Variants in KCNIP1 observed in about 807,000 individuals in gnomAD.
KCNIP1 encodes the protein A-type potassium channel modulatory protein KCNIP1.
A neutral mutation model predicts 33.0 loss-of-function variants in KCNIP1; 18 were observed. The observed-to-expected ratio is 0.55, with a 90% CI of 0.38 to 0.81. The LOEUF (loss-of-function observed/expected upper bound fraction) is 0.81, where lower values mean the gene tolerates loss of function less well. Among genes scored for constraint, KCNIP1 ranks in the 30% least tolerant of loss-of-function variants. KCNIP1 has a pLI of 0.00. For synonymous variants in KCNIP1, 93 were observed against 98.3 expected, an observed-to-expected ratio of 0.95 and a Z score of 0.32; for missense variants, 238 against 271.6, an observed-to-expected ratio of 0.88 and a Z score of 0.87.
chr5:170,487,029 GCA>G (rs1423878010), intron 1 of KCNIP1, among the ~76,000 whole-genome samples: 2 of 152,130 alleles, frequency 1.3e-5, no homozygotes, highest in Non-Finnish European at 2.9e-5. Context: ...TTACACACAT[GCA>G]CACACACAGA....
Position 170,709,694 on chromosome 5 carries a change from CTG to C in KCNIP1, c.62-9061_62-9060del, listed in dbSNP as rs1763379466. The stretch of plus-strand genomic sequence containing the variant: ...TTGGGGTTTGTAGTGCTCCTTCACT[CTG>C]TGACTTGATATATTTCACTCATTTT... On this transcript the variant is annotated intron_variant, in intron 1 of 7. Coordinates refer to ENST00000328939, the MANE Select transcript of KCNIP1 (RefSeq NM_014592.4). 1.3e-5 allele frequency among the ~76,000 whole-genome samples: 2 copies of C among 152,168 alleles called. 1 individual carries two copies. Among genetic ancestry groups the C allele is most frequent in the South Asian group, 4.1e-4 (2 of 4,828 alleles).
intron 1 of KCNIP1, among the ~76,000 whole-genome samples, chr5:170,682,242 G>T (rs1464686600): frequency 1.3e-5 from 2 of 152,222 alleles, no homozygotes; most frequent in Non-Finnish European, 1.5e-5. Context: ...TGTTGGTCAA[G>T]TCATTTTTTA....
intron 1 of KCNIP1, among the ~76,000 whole-genome samples, chr5:170,608,073 G>T (rs758166144): frequency 6.6e-6 from 1 of 152,154 alleles, no homozygotes; most frequent in Non-Finnish European, 1.5e-5. Flanking sequence ...ACAGAAGAAG[G>T]TAGGCACTAG....
At chr5:170,641,177 T>A (rs1255601111) in intron 1 of KCNIP1, among the ~76,000 whole-genome samples, 1 of 152,200 alleles carries the variant, frequency 6.6e-6, no homozygotes, top group Admixed American at 6.5e-5. Flanking sequence ...CTCTGCCCGC[T>A]GGCTTATGGG....
chr5:170,430,984 G>A (rs1430943160), intron 1 of KCNIP1, among the ~76,000 whole-genome samples: 1 of 152,204 alleles, frequency 6.6e-6, no homozygotes, highest in East Asian at 1.9e-4. Flanking sequence ...ACTCGTAGGA[G>A]GGGAAGACAA....
chr5:170,362,153 T>G (rs1763530644), intron 1 of KCNIP1, among the ~76,000 whole-genome samples: 1 of 152,030 alleles, frequency 6.6e-6, no homozygotes, highest in Non-Finnish European at 1.5e-5. Flanking sequence ...GGAGGTGGAG[T>G]GCTCTAATTA....
intron 1 of KCNIP1, among the ~76,000 whole-genome samples, chr5:170,436,511 G>A (rs1755867113): frequency 6.6e-6 from 1 of 152,250 alleles, no homozygotes; most frequent in South Asian, 2.1e-4. Context: ...GGAATCCCCA[G>A]GAGGGAACAC....
chr5:170,601,110 C>A (rs1445698215), intron 1 of KCNIP1, among the ~76,000 whole-genome samples: 1 of 152,186 alleles, frequency 6.6e-6, no homozygotes, highest in Non-Finnish European at 1.5e-5. Flanking sequence ...AAACACAACA[C>A]CTGCGTCGCT....
Position 170,458,817 on chromosome 5 carries a change from C to T in KCNIP1, c.88+104853C>T, listed in dbSNP as rs77929816. Among the ~76,000 whole-genome samples, 1,480 of 152,134 alleles carry T rather than the reference C, an allele frequency of 9.7e-3. 26 individuals are homozygous for T. The highest frequency in any genetic ancestry group is 0.033 in the African/African-American group (1,377 of 41,530). Reference sequence around the variant, plus strand: ...AGACAACAACAAAAAACAAGGTATACGGACAACAAATAGCATGAAGAATGT... The same window carrying T: ...AGACAACAACAAAAAACAAGGTATATGGACAACAAATAGCATGAAGAATGT... On this transcript the variant is annotated intron_variant, in intron 1 of 7. Transcript: ENST00000377360.
chr5:170,374,858 T>G (rs918756887), intron 1 of KCNIP1: 2 of 152,182 alleles, frequency 1.3e-5, no homozygotes, highest in African/African-American at 4.8e-5. Flanking sequence ...AGGCCAGTCT[T>G]TATTGACAGG....
At chr5:170,578,243 CAGTGGAA>C (rs1438219335) in intron 1 of KCNIP1, among the ~76,000 whole-genome samples, 1 of 152,098 alleles carries the variant, frequency 6.6e-6, no homozygotes, top group Non-Finnish European at 1.5e-5. Flanking sequence ...AGACTGAGAA[CAGTGGAA>C]AGGCTACACA....
chr5:170,712,925 G>T (rs769345578), intron 1 of KCNIP1: 1 of 1,542,712 alleles, frequency 6.5e-7, no homozygotes, highest in Non-Finnish European at 9.0e-7. Context: ...TTGGTCACAT[G>T]ACTTGCAAAG....
At position 170,441,692 on chromosome 5, in the gene KCNIP1, G is replaced by A. The variant is rs574698776; in HGVS notation, c.88+87728G>A. On this transcript the variant is annotated intron_variant, in intron 1 of 7. Transcript: ENST00000377360. ...TAAAGAATGAACAAGTGGGCCGGGC[G>A]CCGTGGCTCACGCCTGTAATCCCAG... Among the ~76,000 whole-genome samples, 11 of 152,160 alleles carry A rather than the reference G, an allele frequency of 7.2e-5. No individual in the cohort carries two copies. The South Asian group carries it at 2.3e-3, about 32-fold the overall frequency.
intron 1 of KCNIP1, among the ~76,000 whole-genome samples, chr5:170,517,870 G>A (rs184466061): frequency 1.4e-5 from 2 of 144,270 alleles, no homozygotes; most frequent in South Asian, 4.5e-4. Flanking sequence ...TGGTGGTGGT[G>A]GTAGTGATGA....
At chr5:170,655,214 T>G (rs1333682005) in intron 1 of KCNIP1, among the ~76,000 whole-genome samples, 1 of 152,166 alleles carries the variant, frequency 6.6e-6, no homozygotes, top group African/African-American at 2.4e-5. Context: ...TTGGAAGAAA[T>G]TTCTCTTTCT....
intron 1 of KCNIP1, among the ~76,000 whole-genome samples, chr5:170,462,264 C>CAAAAAAAAAAAAA (rs760686464): frequency 3.3e-4 from 17 of 51,960 alleles, no homozygotes; most frequent in Middle Eastern, 0.015. Context: ...AACAAATTAG[C>CAAAAAAAAAAAAA]AAAAAAAAAA....
intron 1 of KCNIP1, among the ~76,000 whole-genome samples, chr5:170,529,391 A>C (rs987371672): frequency 6.6e-6 from 1 of 152,186 alleles, no homozygotes; most frequent in African/African-American, 2.4e-5. Context: ...TTATGCTGTG[A>C]GGTGCTGGTT....
intron 1 of KCNIP1, among the ~76,000 whole-genome samples, chr5:170,567,322 T>A (rs1757238840): frequency 6.6e-6 from 1 of 152,166 alleles, no homozygotes; most frequent in African/African-American, 2.4e-5. Context: ...ATAGTGTCGC[T>A]GGGGAGAAAC....
At chr5:170,562,102 A>G (rs547256496) in intron 1 of KCNIP1, among the ~76,000 whole-genome samples, 1 of 152,312 alleles carries the variant, frequency 6.6e-6, no homozygotes, top group Admixed American at 6.5e-5. Context: ...CAGACAGAAA[A>G]ATAGATATGT....
Sources: allele counts gnomAD v4.1 joint callset (sites outside exome capture counted in the v4.1 genomes callset), GRCh38; gene constraint gnomAD v4.1.1; transcripts MANE v1.5; gene names NCBI Gene and HGNC (gene_info 2026-07-23, HGNC 2026-07-21).